Variants in ARHGEF3 observed in about 807,000 individuals in gnomAD.
The protein encoded by ARHGEF3 is 59.8 kDA protein.
A neutral mutation model predicts 63.2 loss-of-function variants in ARHGEF3; 28 were observed. The ratio of observed to expected loss-of-function variants is 0.44; its 90% CI spans 0.33 to 0.61. The LOEUF is 0.61. Ranked by LOEUF, ARHGEF3 falls within the 20% of genes least tolerant of loss-of-function variation. The pLI, the probability that ARHGEF3 is intolerant of heterozygous loss-of-function variation, is 0.03. For synonymous variants in ARHGEF3, 266 were observed against 254.2 expected, an observed-to-expected ratio of 1.05 and a Z score of -0.44; for missense variants, 533 against 659.3, an observed-to-expected ratio of 0.81 and a Z score of 2.10.
At chr3:56,952,440 C>T (rs1454000597) in intron 3 of ARHGEF3, among the ~76,000 whole-genome samples, 3 of 152,280 alleles carry the variant, frequency 2.0e-5, no homozygotes, top group Non-Finnish European at 2.9e-5. Context: ...AGATCTTGGG[C>T]AGAGAACTCA....
At chr3:57,042,694 A>ATTTTTTTTT (rs1340824293) in intron 1 of ARHGEF3, among the ~76,000 whole-genome samples, 5 of 41,876 alleles carry the variant, frequency 1.2e-4, no homozygotes, top group Admixed American at 3.8e-4. Flanking sequence ...ATATATATAT[A>ATTTTTTTTT]TATATATTTT....
chr3:56,932,687 T>G (rs749698735), intron 3 of ARHGEF3, among the ~76,000 whole-genome samples: 13 of 152,180 alleles, frequency 8.5e-5, no homozygotes, highest in Non-Finnish European at 1.8e-4. Flanking sequence ...CTTACATATG[T>G]TTATGGTTCG....
intron 3 of ARHGEF3, among the ~76,000 whole-genome samples, chr3:56,926,990 C>T (rs1013636557): frequency 2.0e-5 from 3 of 152,096 alleles, no homozygotes; most frequent in Admixed American, 6.5e-5. Flanking sequence ...CCAAGCCAGC[C>T]GGGGTGGTGA....
intron 3 of ARHGEF3, among the ~76,000 whole-genome samples, chr3:56,883,940 A>G (rs148726112): frequency 6.8e-4 from 103 of 152,206 alleles, no homozygotes; most frequent in African/African-American, 2.1e-3. Context: ...TTGTTCTATT[A>G]TTTTTTTCAC....
At chr3:56,756,849 A>G (rs1053499321) in intron 2 of ARHGEF3, among the ~76,000 whole-genome samples, 4 of 152,196 alleles carry the variant, frequency 2.6e-5, no homozygotes, top group African/African-American at 9.6e-5. Flanking sequence ...GTGTCCGGCC[A>G]TAGCTGGCTA....
chr3:56,970,954 G>A (rs1700883550), intron 2 of ARHGEF3, among the ~76,000 whole-genome samples: 1 of 152,188 alleles, frequency 6.6e-6, no homozygotes, highest in South Asian at 2.1e-4. Flanking sequence ...GGGCTGTTGT[G>A]AGGAGTAGAG....
intron 1 of ARHGEF3, chr3:57,073,941 C>A (rs370592616): frequency 1.9e-6 from 3 of 1,614,172 alleles, no homozygotes; most frequent in African/African-American, 2.7e-5. Flanking sequence ...TGAGACCTGT[C>A]AGAGATATTT....
At chr3:57,055,223 G>A (rs769277833) in intron 1 of ARHGEF3, among the ~76,000 whole-genome samples, 10 of 149,482 alleles carry the variant, frequency 6.7e-5, no homozygotes, top group Non-Finnish European at 1.0e-4. Flanking sequence ...GAGCAGTGGC[G>A]TGATCTCAGC....
At chr3:57,002,629 G>T (rs1702299819) in intron 2 of ARHGEF3, among the ~76,000 whole-genome samples, 1 of 146,258 alleles carries the variant, frequency 6.8e-6, no homozygotes, top group Non-Finnish European at 1.5e-5. Flanking sequence ...TACATGTGGG[G>T]GGTTGTTACA....
At chr3:56,747,647 A>G (rs951979004) in intron 6 of ARHGEF3, among the ~76,000 whole-genome samples, 2 of 152,186 alleles carry the variant, frequency 1.3e-5, no homozygotes, top group African/African-American at 2.4e-5. Context: ...ACGTGGCAAA[A>G]TCCCGTCTTT....
At chr3:57,059,441 T>C (rs923984294) in intron 1 of ARHGEF3, among the ~76,000 whole-genome samples, 2 of 145,278 alleles carry the variant, frequency 1.4e-5, no homozygotes, top group East Asian at 4.1e-4. Context: ...GGCCACATGT[T>C]AGACAAGCTT....
intron 2 of ARHGEF3, among the ~76,000 whole-genome samples, chr3:57,009,600 G>A (rs1465858006): frequency 6.6e-6 from 1 of 152,156 alleles, no homozygotes; most frequent in African/African-American, 2.4e-5. Context: ...AGTTGCTGGA[G>A]GAGATTAAAC....
intron 3 of ARHGEF3, among the ~76,000 whole-genome samples, chr3:56,912,381 T>C (rs985842932): frequency 1.1e-4 from 17 of 152,200 alleles, no homozygotes; most frequent in Non-Finnish European, 2.1e-4. Flanking sequence ...ACTGCAGATG[T>C]TGCACATAAT....
chr3:57,042,273 T>C (rs1480989354), intron 1 of ARHGEF3, among the ~76,000 whole-genome samples: 1 of 151,936 alleles, frequency 6.6e-6, no homozygotes, highest in Non-Finnish European at 1.5e-5. Context: ...TGGTGTAGAA[T>C]ATGCAACAGC....
At chr3:57,035,811 G>A (rs184721139) in intron 1 of ARHGEF3, among the ~76,000 whole-genome samples, 8 of 152,366 alleles carry the variant, frequency 5.3e-5, no homozygotes, top group South Asian at 2.1e-4. Flanking sequence ...TGCAGATGAT[G>A]ACAATGCACT....
chr3:56,797,527 C>T (rs962440237), intron 1 of ARHGEF3, among the ~76,000 whole-genome samples: 1 of 152,194 alleles, frequency 6.6e-6, no homozygotes, highest in Non-Finnish European at 1.5e-5. Context: ...ACTGCAATAA[C>T]TCCTTATGAC....
intron 2 of ARHGEF3, among the ~76,000 whole-genome samples, chr3:56,984,095 C>T (rs1342122193): frequency 1.3e-5 from 2 of 152,078 alleles, no homozygotes; most frequent in African/African-American, 4.8e-5. Flanking sequence ...TGTTTAAATC[C>T]AGCCTCCCAT....
At chr3:56,939,707 G>T (rs1479767241) in intron 3 of ARHGEF3, 1 of 152,148 alleles carries the variant, frequency 6.6e-6, no homozygotes, top group Non-Finnish European at 1.5e-5. Context: ...TAACTAAATG[G>T]ACTGCTTCTA....
At chr3:56,850,567 C>A (rs947991403) in intron 4 of ARHGEF3, among the ~76,000 whole-genome samples, 1 of 152,090 alleles carries the variant, frequency 6.6e-6, no homozygotes, top group Non-Finnish European at 1.5e-5. Flanking sequence ...TTATTTGGAA[C>A]CTGAAATGAA....
Sources: allele counts gnomAD v4.1 joint callset (sites outside exome capture counted in the v4.1 genomes callset), GRCh38; gene constraint gnomAD v4.1.1; transcripts MANE v1.5; gene names NCBI Gene and HGNC (gene_info 2026-07-23, HGNC 2026-07-21).